Variants in CCNT1 observed in about 807,000 individuals in gnomAD.
CCNT1 encodes the protein cyclin-T1.
Under a neutral mutation model 67.3 loss-of-function variants are expected in CCNT1, and 18 were observed. That is an observed-to-expected ratio of 0.27 (90% CI 0.18 to 0.40). CCNT1 has a LOEUF of 0.40. Ranked by LOEUF, CCNT1 falls within the 10% of genes least tolerant of loss-of-function variation. The pLI is 1.00. For missense variants in CCNT1, 744 were observed against 884.9 expected (o/e 0.84, Z 2.02); for synonymous variants, 333 against 310.3 (o/e 1.07, Z -0.77).
intron 1 of CCNT1, 68 bp from the exon 2 acceptor site, chr12:48,714,592 C>A: frequency 2.2e-6 from 2 of 918,120 alleles, no homozygotes; most frequent in South Asian, 1.4e-5. Flanking sequence ...CTCTATCTCC[C>A]TCCCAAAAGG....
Position 48,706,903 on chromosome 12 carries a change from T to C in CCNT1, c.244-1007A>G, listed in dbSNP as rs562475780. ...ACAAGACCATAGGAGACAAAAATAA[T>C]TTAAAACAAAATTTTTTTAGGCCAG... On this transcript the variant is annotated intron_variant, in intron 2 of 8. Transcript: ENST00000261900. 4.6e-5 allele frequency among the ~76,000 whole-genome samples: 7 copies of C among 152,264 alleles called. No individual in the cohort carries two copies. The South Asian group carries it at 1.4e-3, about 32-fold the overall frequency.
chr12:48,695,043 C>T (rs919759128), intron 8 of CCNT1, among the ~76,000 whole-genome samples: 4 of 152,062 alleles, frequency 2.6e-5, no homozygotes, highest in Non-Finnish European at 5.9e-5. Flanking sequence ...AGGCTGGTCT[C>T]GAACTCCTGA....
In CCNT1 at chr12:48,693,509, TG is replaced by T; in HGVS notation, c.1704del (p.Ser569ValfsTer32). 6.2e-7 allele frequency: 1 copy of T among 1,614,174 alleles called. No individual in the cohort carries two copies. The highest frequency in any genetic ancestry group is 8.5e-7 in the Non-Finnish European group (1 of 1,180,012). On this transcript the variant is annotated frameshift_variant, in exon 9 of 9. Transcript: ENST00000261900. LOFTEE classifies it high-confidence loss of function. ...TYSLSSSFSS[S>X]SSTRKRGPSE... ...GAGGGTCCCCTTTTACGAGTAGAACTGGAAGAGGAAAAAGAACTAGACAAGC... is the reference window on the plus strand; with the variant it reads ...GAGGGTCCCCTTTTACGAGTAGAACTGAAGAGGAAAAAGAACTAGACAAGC...
Position 48,709,593 on chromosome 12 carries a change from A to C in CCNT1, c.244-3697T>G, listed in dbSNP as rs562219753. Among the ~76,000 whole-genome samples, 177 of 152,364 alleles carry C rather than the reference A, an allele frequency of 1.2e-3. 1 individual carries two copies. Among genetic ancestry groups the C allele is most frequent in the South Asian group, 2.7e-3 (13 of 4,834 alleles). On this transcript the variant is annotated intron_variant, in intron 2 of 8. Transcript: ENST00000261900. ...AGTAACTACACAAATACCATGTGGCAAATTAAAATAATAAGAAATCCAAAA... is the reference window on the plus strand; with the variant it reads ...AGTAACTACACAAATACCATGTGGCCAATTAAAATAATAAGAAATCCAAAA...
In CCNT1 at chr12:48,693,456, A is replaced by G. The variant is rs777477568; in HGVS notation, c.1758T>C (p.Asp586=). 3 of 1,614,250 alleles carry G rather than the reference A, an allele frequency of 1.9e-6. No homozygotes were observed. The highest frequency in any genetic ancestry group is 2.2e-5 in the South Asian group (2 of 91,092). Residue 586 remains aspartate, a synonymous_variant, in exon 9 of 9, where the codon GAT becomes GAC. Transcript: ENST00000261900. ...TACTCTTGGCAATCTTGGCTGGATG[A>G]TCAAACACAGCCCCTCCAGTCTCTT... ...PSEETGGAVF[D]HPAKIAKSTK... is the part of the protein sequence containing the mutation.
At chr12:48,714,660 T>C in intron 1 of CCNT1, 136 bp from the exon 2 acceptor site, 2 of 597,238 alleles carry the variant, frequency 3.3e-6, no homozygotes, top group Non-Finnish European at 6.0e-6. Context: ...TCTCTCCAAA[T>C]CAAAGAATAT....
At chr12:48,703,332 G>T (rs891893367) in intron 3 of CCNT1, among the ~76,000 whole-genome samples, 2 of 152,040 alleles carry the variant, frequency 1.3e-5, no homozygotes, top group African/African-American at 4.8e-5. Flanking sequence ...CCAGCACTTT[G>T]GGAGGCTGAG....
chr12:48,693,450 T>C lies in CCNT1; in HGVS notation c.1764A>G (p.Pro588=). 6.2e-7 allele frequency: 1 copy of C among 1,614,240 alleles called. No individual in the cohort carries two copies. The highest frequency in any genetic ancestry group is 8.5e-7 in the Non-Finnish European group (1 of 1,180,036). ...ATTTAGTACTCTTGGCAATCTTGGC[T>C]GGATGATCAAACACAGCCCCTCCAG... is the stretch of plus-strand genomic sequence containing the variant. ...EETGGAVFDH[P]AKIAKSTKSS... is the part of the protein sequence containing the mutation. Residue 588 remains proline (P), a synonymous_variant, in exon 9 of 9, where the codon CCA becomes CCG. Transcript: ENST00000261900.
Position 48,693,612 on chromosome 12 carries a change from TG to T in CCNT1, c.1601del (p.Pro534GlnfsTer21), listed in dbSNP as rs1940117524. 1.2e-6 allele frequency: 2 copies of T among 1,614,184 alleles called. No homozygotes were observed. The highest frequency in any genetic ancestry group is 1.7e-6 in the Non-Finnish European group (2 of 1,180,030). Reference sequence around the variant, plus strand: ...CAGGACGTTTGTTCCCAGTACCAACTGGAAGTTGGGAATGAGAGTGCTTGTG... The same window carrying T: ...CAGGACGTTTGTTCCCAGTACCAACTGAAGTTGGGAATGAGAGTGCTTGTG... ...HSHKHSHSQL[P>X]VGTGNKRPGD... On this transcript the variant is annotated frameshift_variant, in exon 9 of 9. Coordinates refer to ENST00000261900, the MANE Select transcript of CCNT1 (RefSeq NM_001240.4). LOFTEE classifies it high-confidence loss of function.
Position 48,693,055 on chromosome 12 carries a change from G to A in CCNT1, c.2159C>T (p.Pro720Leu). The A allele has an allele frequency of 6.2e-7, 1 of 1,603,356 alleles. No homozygotes were observed. Among genetic ancestry groups the A allele is most frequent in the Non-Finnish European group, 8.5e-7 (1 of 1,171,182 alleles). The change falls in exon 9 of 9, where the codon CCA (proline) becomes CTA (leucine). Residue 720 changes from proline (P) to leucine (L), a missense_variant. Transcript: ENST00000261900. ...PPPLPSEPPP[P>L]LPPLPK ...TTTTTACTTAGGAAGGGGTGGAAGTGGTGGAGGAGGTTCTGATGGCAGAGG... is the reference window on the plus strand; with the variant it reads ...TTTTTACTTAGGAAGGGGTGGAAGTAGTGGAGGAGGTTCTGATGGCAGAGG...
rs1940083849 is a variant in CCNT1, at chr12:48,692,076, AC to A, written c.*956del. 1 of 152,034 alleles carries A rather than the reference AC, an allele frequency of 6.6e-6. No individual in the cohort carries two copies. The highest frequency in any genetic ancestry group is 1.5e-5 in the Non-Finnish European group (1 of 68,016). The allele number at this position is 152,034 out of a possible 1,614,324, so 9.4% of individuals were successfully genotyped here. On this transcript the variant is annotated 3_prime_UTR_variant, in exon 9 of 9. Coordinates refer to ENST00000261900, the MANE Select transcript of CCNT1 (RefSeq NM_001240.4). ...GGGCAGAAGCTGGCCTTGCTCGCCA[AC>A]CCTCCTTCCTCAACCCCATCTCTGT...
intron 8 of CCNT1, among the ~76,000 whole-genome samples, 167 bp from the exon 9 acceptor site, chr12:48,694,603 T>C (rs1488875933): frequency 6.6e-6 from 1 of 152,246 alleles, no homozygotes; most frequent in Non-Finnish European, 1.5e-5. Context: ...GAGAAGATTT[T>C]AAAACCTTCA....
At position 48,689,340 on chromosome 12, in the gene CCNT1, C is replaced by T. The variant is rs1404502225; in HGVS notation, c.*3693G>A. On this transcript the variant is annotated 3_prime_UTR_variant, in exon 9 of 9. Coordinates refer to ENST00000261900, the MANE Select transcript of CCNT1 (RefSeq NM_001240.4). ...ACTCTATCAGGCAGGATTACTGTAC[C>T]GTGCTTGTTTCAAACTCACATCCAC... The T allele has an allele frequency of 6.6e-6, 1 of 152,098 alleles. No homozygotes were observed. The highest frequency in any genetic ancestry group is 1.5e-5 in the Non-Finnish European group (1 of 68,020). 9.4% of individuals were successfully genotyped at this position (152,098 alleles called of 1,614,324 possible).
intron 6 of CCNT1, among the ~76,000 whole-genome samples, chr12:48,697,777 C>A (rs1411126561): frequency 7.0e-6 from 1 of 143,714 alleles, no homozygotes; most frequent in Non-Finnish European, 1.5e-5. Flanking sequence ...TGATATTGTG[C>A]CACTGCACTC....
At chr12:48,709,442 T>C (rs1940414516) in intron 2 of CCNT1, among the ~76,000 whole-genome samples, 1 of 152,188 alleles carries the variant, frequency 6.6e-6, no homozygotes, top group South Asian at 2.1e-4. Flanking sequence ...TAGGAACTTG[T>C]ATTAAAATGC....
At chr12:48,712,175 C>T (rs1230940080) in intron 2 of CCNT1, among the ~76,000 whole-genome samples, 4 of 152,150 alleles carry the variant, frequency 2.6e-5, no homozygotes, top group African/African-American at 9.7e-5. Context: ...TCTTACATTT[C>T]AGGAGCTATG....
chr12:48,705,956 A>C, intron 2 of CCNT1, 60 bp from the exon 3 acceptor site: 1 of 1,483,606 alleles, frequency 6.7e-7, no homozygotes, highest in Non-Finnish European at 9.1e-7. Context: ...AGAGTAAGGT[A>C]GATCTAAAGA....
At chr12:48,700,480 T>C (rs896470292) in intron 4 of CCNT1, among the ~76,000 whole-genome samples, 1 of 151,296 alleles carries the variant, frequency 6.6e-6, no homozygotes, top group African/African-American at 2.4e-5. Context: ...AAGAGAAAAA[T>C]GATAGCCCAA....
rs1412501499 is a variant in CCNT1 at position 48,705,277 on chromosome 12, G to GT, written c.372+490dup. The stretch of plus-strand genomic sequence containing the variant: ...AAGATGTGAGCCAGCATGCCCAGTT[G>GT]TTTTTTGTTGTTGTTGTTGTTGTTG... On this transcript the variant is annotated intron_variant, in intron 3 of 8. Transcript: ENST00000261900. 1.5e-3 allele frequency among the ~76,000 whole-genome samples: 198 copies of GT among 132,868 alleles called. 1 individual carries two copies. The Middle Eastern group carries it at 0.022, about 15-fold the overall frequency. The allele number at this position is 132,868 out of a possible 152,430, so 87.2% of individuals were successfully genotyped here.
Sources: allele counts gnomAD v4.1 joint callset (sites outside exome capture counted in the v4.1 genomes callset), GRCh38; gene constraint gnomAD v4.1.1; transcripts MANE v1.5; gene names NCBI Gene and HGNC (gene_info 2026-07-23, HGNC 2026-07-21).